The following CD109 variants were observed in gnomAD, a reference collection of about 807,000 sequenced individuals.
CD109 encodes the protein CD109 molecule.
Under a neutral mutation model 165.8 loss-of-function variants are expected in CD109, and 149 were observed. That is an observed-to-expected ratio of 0.90 (90% confidence interval 0.79 to 1.03). The LOEUF (loss-of-function observed/expected upper bound fraction) is 1.03, where lower values mean the gene tolerates loss of function less well. Among genes scored for constraint, CD109 ranks in the 50% least tolerant of loss-of-function variants. The pLI is 0.00. For missense variants in CD109, 1,712 were observed against 1,677.8 expected (o/e 1.02, Z -0.36); for synonymous variants, 585 against 592.1 (o/e 0.99, Z 0.18).
chr6:73,700,683 G>C, intron 2 of CD109, among the ~76,000 whole-genome samples: 1 of 151,982 alleles, frequency 6.6e-6, no homozygotes, highest in African/African-American at 2.4e-5. Context: ...GACAGATATG[G>C]GGGAGATTTT....
At position 73,697,540 on chromosome 6, in the gene CD109, C is replaced by G. The variant is rs1770896614; in HGVS notation, c.215C>G (p.Ser72Cys). 6.2e-7 allele frequency: 1 copy of G among 1,614,088 alleles called. No homozygotes were observed. Among genetic ancestry groups the G allele is most frequent in the Non-Finnish European group, 8.5e-7 (1 of 1,180,012 alleles). ...AAGACAGCATCAAACCTCACTGTCT[C>G]TGTCCTGGAAGCAGAAGGAGTCTTT... Reference protein sequence around the residue: ...LLKTASNLTVSVLEAEGVFEK... With the variant: ...LLKTASNLTVCVLEAEGVFEK... Residue 72 changes from serine to cysteine, a missense_variant, in exon 2 of 33, where the codon TCT becomes TGT. Coordinates refer to ENST00000287097, the MANE Select transcript of CD109 (RefSeq NM_133493.5).
At chr6:73,785,893 G>A (rs1234724699) in intron 20 of CD109, among the ~76,000 whole-genome samples, 1 of 149,818 alleles carries the variant, frequency 6.7e-6, no homozygotes, top group African/African-American at 2.5e-5. Flanking sequence ...TGCCCAGGCT[G>A]GAGTGCAGTG....
intron 28 of CD109, among the ~76,000 whole-genome samples, chr6:73,811,925 T>G (rs1775770805): frequency 6.6e-6 from 1 of 152,128 alleles, no homozygotes; most frequent in Non-Finnish European, 1.5e-5. Flanking sequence ...TTTCTTGTCT[T>G]TTATGCTTCA....
chr6:73,803,392 TA>T (rs1321619003), intron 24 of CD109, 91 bp downstream of exon 24: 1 of 857,080 alleles, frequency 1.2e-6, no homozygotes, highest in Non-Finnish European at 1.9e-6. Flanking sequence ...TATATCTCTA[TA>T]TATTATAGAC....
intron 5 of CD109, among the ~76,000 whole-genome samples, chr6:73,747,868 T>C (rs970908883): frequency 8.6e-5 from 13 of 151,834 alleles, no homozygotes; most frequent in African/African-American, 2.9e-4. Context: ...CTTAAATAAA[T>C]ATATTTCTTT....
chr6:73,796,565 G>A (rs1177387140), intron 23 of CD109, among the ~76,000 whole-genome samples: 2 of 152,148 alleles, frequency 1.3e-5, no homozygotes, highest in African/African-American at 2.4e-5. Context: ...GGCATTTAGA[G>A]GGGGAGCTCT....
At chr6:73,692,411 A>T (rs981811726), upstream of CD109, among the ~76,000 whole-genome samples, 2 of 152,164 alleles carry the variant, frequency 1.3e-5, no homozygotes, top group African/African-American at 4.8e-5. Flanking sequence ...TTTTCTTCTT[A>T]AAGGAGATAT....
Position 73,756,637 on chromosome 6 carries a change from C to T in CD109, c.634-6C>T. 5.8e-6 allele frequency: 9 copies of T among 1,539,602 alleles called. No individual in the cohort carries two copies. Among genetic ancestry groups the T allele is most frequent in the Non-Finnish European group, 7.9e-6 (9 of 1,141,504 alleles). On this transcript the variant is annotated splice_polypyrimidine_tract_variant and splice_region_variant and intron_variant, in intron 5 of 32. Coordinates refer to ENST00000287097, the MANE Select transcript of CD109 (RefSeq NM_133493.5). ...TCCTGTCTTTTTTTTCTCCCCTGCC[C>T]AATAGGACCAGACATACTATCAATC...
In CD109 at chr6:73,806,167, G is replaced by C. The variant is rs959038154; in HGVS notation, c.2961-677G>C. Among the ~76,000 whole-genome samples, 83 of 152,258 alleles carry C rather than the reference G, an allele frequency of 5.5e-4. 1 individual carries two copies. The highest frequency in any genetic ancestry group is 1.9e-3 in the African/African-American group (80 of 41,528). The stretch of plus-strand genomic sequence containing the variant: ...GAAAATGTGGCACATATACACCATG[G>C]AATACTATGCAGCCATAAAAAAGGA... On this transcript the variant is annotated intron_variant, in intron 24 of 32. Transcript: ENST00000287097.
At chr6:73,748,391 T>G (rs1445055022) in intron 5 of CD109, among the ~76,000 whole-genome samples, 3 of 152,220 alleles carry the variant, frequency 2.0e-5, no homozygotes, top group African/African-American at 7.2e-5. Context: ...CTACACAGGG[T>G]CTTACCTGAT....
intron 2 of CD109, among the ~76,000 whole-genome samples, chr6:73,715,794 A>G (rs1389412654): frequency 1.3e-5 from 2 of 152,188 alleles, no homozygotes; most frequent in African/African-American, 4.8e-5. Context: ...TATTTTAGTT[A>G]TTTAAAAATG....
In CD109 at chr6:73,823,625, T is replaced by G. The variant is rs1007927443; in HGVS notation, c.4330T>G (p.Trp1444Gly). The change falls in exon 33 of 33, where the codon TGG (tryptophan) becomes GGG (glycine). Residue 1444 changes from tryptophan to glycine, a missense_variant. Coordinates refer to ENST00000287097, the MANE Select transcript of CD109 (RefSeq NM_133493.5). ...CAAGCTTCTGTACTTTATGGAACTT[T>G]GGCTGTGATTTATTTTTAAAGGACT... The part of the protein sequence containing the change: ...CFKLLYFMEL[W>G]L 3.1e-6 allele frequency: 5 copies of G among 1,606,334 alleles called. No individual in the cohort carries two copies. In the African/African-American group the frequency reaches 6.7e-5, roughly 21 times the overall value.
chr6:73,730,318 G>C (rs1454237628), intron 3 of CD109, 26 bp from the exon 4 acceptor site: 1 of 1,372,958 alleles, frequency 7.3e-7, no homozygotes, highest in African/African-American at 1.4e-5. Context: ...ATGAGACCTT[G>C]ATGTGTGATC....
chr6:73,818,737 G>C (rs1183267534), intron 31 of CD109, among the ~76,000 whole-genome samples: 3 of 152,136 alleles, frequency 2.0e-5, no homozygotes, highest in Non-Finnish European at 2.9e-5. Context: ...TGCTATTAAT[G>C]ACGAGCCTGA....
At chr6:73,755,359 A>G (rs967307498) in intron 5 of CD109, among the ~76,000 whole-genome samples, 1 of 152,208 alleles carries the variant, frequency 6.6e-6, no homozygotes, top group Non-Finnish European at 1.5e-5. Context: ...TCTTCTTTAC[A>G]TGACAATGTT....
At chr6:73,722,569 T>G (rs1771997933) in intron 2 of CD109, among the ~76,000 whole-genome samples, 2 of 152,218 alleles carry the variant, frequency 1.3e-5, no homozygotes, top group African/African-American at 2.4e-5. Flanking sequence ...GTGCTAGTTT[T>G]TACGGGGCCT....
intron 28 of CD109, 109 bp from the exon 29 acceptor site, chr6:73,812,096 C>T (rs1275699483): frequency 4.5e-6 from 3 of 660,458 alleles, no homozygotes; most frequent in Non-Finnish European, 8.1e-6. Flanking sequence ...TTAGTGCTGT[C>T]AGTGATTGCT....
chr6:73,811,324 A>T (rs1775752382), intron 28 of CD109, among the ~76,000 whole-genome samples, 177 bp downstream of exon 28: 1 of 152,132 alleles, frequency 6.6e-6, no homozygotes, highest in Non-Finnish European at 1.5e-5. Context: ...AGGGTGGGGA[A>T]CTTTGGAAAG....
chr6:73,701,770 T>C (rs1397552407), intron 2 of CD109, among the ~76,000 whole-genome samples: 2 of 152,164 alleles, frequency 1.3e-5, no homozygotes, highest in African/African-American at 4.8e-5. Flanking sequence ...ATTAGTTTCA[T>C]GTAAACCTGA....
Sources: allele counts gnomAD v4.1 joint callset (sites outside exome capture counted in the v4.1 genomes callset), GRCh38; gene constraint gnomAD v4.1.1; transcripts MANE v1.5; gene names NCBI Gene and HGNC (gene_info 2026-07-23, HGNC 2026-07-21).